Variants in SEPTIN7 observed in about 807,000 individuals in gnomAD.
The protein encoded by SEPTIN7 is septin-7.
Under a neutral mutation model 63.3 loss-of-function variants are expected in SEPTIN7, and 10 were observed. The observed-to-expected ratio is 0.16, with a 90% CI of 0.10 to 0.27. SEPTIN7 has a LOEUF of 0.27. SEPTIN7 is among the 10% of genes least tolerant of loss of function. SEPTIN7 has a pLI of 1.00. For missense variants in SEPTIN7, 310 were observed against 521.0 expected (o/e 0.59, Z 3.94); for synonymous variants, 131 against 165.3 (o/e 0.79, Z 1.59).
At chr7:35,881,451 A>G (rs1249246980) in intron 7 of SEPTIN7, among the ~76,000 whole-genome samples, 1 of 149,984 alleles carries the variant, frequency 6.7e-6, no homozygotes, top group African/African-American at 2.4e-5. Flanking sequence ...GCTAGCTACT[A>G]TTACTCATTT....
intron 1 of SEPTIN7, among the ~76,000 whole-genome samples, chr7:35,827,333 G>C (rs1210042285): frequency 2.6e-5 from 4 of 151,904 alleles, no homozygotes; most frequent in African/African-American, 9.7e-5. Context: ...TCCTTATCCC[G>C]AGATATTTCA....
chr7:35,810,832 CAG>C (rs959598245), intron 1 of SEPTIN7, among the ~76,000 whole-genome samples: 7 of 150,676 alleles, frequency 4.6e-5, no homozygotes, highest in African/African-American at 1.7e-4. Flanking sequence ...AGTGGTGAGA[CAG>C]AGGCTCACTG....
At chr7:35,819,536 G>T (rs539051772) in intron 1 of SEPTIN7, among the ~76,000 whole-genome samples, 1 of 152,082 alleles carries the variant, frequency 6.6e-6, no homozygotes, top group African/African-American at 2.4e-5. Flanking sequence ...TGAAAGTAGG[G>T]TGTTGAAGGT....
chr7:35,863,642 T>C lies in SEPTIN7; in HGVS notation c.260T>C (p.Ile87Thr). 1.3e-6 allele frequency: 2 copies of C among 1,530,872 alleles called. No individual in the cohort carries two copies. Among genetic ancestry groups the C allele is most frequent in the East Asian group, 2.3e-5 (1 of 44,346 alleles). 94.8% of individuals were successfully genotyped at this position (1,530,872 alleles called of 1,614,324 possible). Reference protein sequence around the residue: ...SPEYPGPSHRIKKTVQVEQSK... With the variant: ...SPEYPGPSHRTKKTVQVEQSK... ...GAGTATCCAGGTCCTTCTCATAGAA[T>C]TAAAAAGACTGTACAGGTATGGATA... The change falls in exon 4 of 14, where the codon ATT (isoleucine) becomes ACT (threonine). Residue 87 changes from isoleucine to threonine, a missense_variant. By Grantham distance (89) the Ile-to-Thr change is moderately conservative. This residue lies in a region of SEPTIN7 where 255 missense variants were observed against 490.5 expected (regional missense o/e 0.52). Transcript: ENST00000350320.
chr7:35,838,235 A>AACTT lies in SEPTIN7; in HGVS notation c.169+5336_169+5339dup, dbSNP rs1414659052. The stretch of plus-strand genomic sequence containing the variant: ...ATTAGCTTGATTTTTATATTATCCA[A>AACTT]ACTTCCTTCCTTCCTTCCTTCCTTC... On this transcript the variant is annotated intron_variant, in intron 3 of 13. Transcript: ENST00000350320. 3.5e-3 allele frequency among the ~76,000 whole-genome samples: 263 copies of AACTT among 76,022 alleles called. 26 individuals are homozygous for AACTT. Among genetic ancestry groups the AACTT allele is most frequent in the South Asian group, 7.8e-3 (15 of 1,930 alleles). The allele number at this position is 76,022 out of a possible 152,430, so 49.9% of individuals were successfully genotyped here.
At chr7:35,858,833 A>G (rs1785352766) in intron 3 of SEPTIN7, among the ~76,000 whole-genome samples, 1 of 151,926 alleles carries the variant, frequency 6.6e-6, no homozygotes, top group Non-Finnish European at 1.5e-5. Context: ...GGCATGCGCC[A>G]CCACACCCAG....
chr7:35,892,420 C>G (rs1430144497), intron 11 of SEPTIN7, among the ~76,000 whole-genome samples: 1 of 152,026 alleles, frequency 6.6e-6, no homozygotes, highest in Non-Finnish European at 1.5e-5. Flanking sequence ...TCATAAAATC[C>G]TAATTCACTT....
chr7:35,840,136 C>A lies in SEPTIN7; in HGVS notation c.169+7236C>A, dbSNP rs117077216. 8.1e-3 allele frequency among the ~76,000 whole-genome samples: 791 copies of A among 97,064 alleles called. 5 individuals are homozygous for A. The highest frequency in any genetic ancestry group is 9.8e-3 in the African/African-American group (241 of 24,520). The allele number at this position is 97,064 out of a possible 152,430, so 63.7% of individuals were successfully genotyped here. A position where few individuals can be genotyped will look rare whatever the true frequency, so the allele number is the denominator to read the frequency against. ...TTTTTACCTTCCCTTTTTCCCCTTC[C>A]CCCTTCCTCCTTCCCCCTTCCCCCA... On this transcript the variant is annotated intron_variant, in intron 3 of 13. Coordinates refer to ENST00000350320, the MANE Select transcript of SEPTIN7 (RefSeq NM_001788.6).
chr7:35,819,768 GT>G (rs763261866), intron 1 of SEPTIN7, among the ~76,000 whole-genome samples: 4 of 151,662 alleles, frequency 2.6e-5, no homozygotes, highest in Non-Finnish European at 4.4e-5. Flanking sequence ...CTTGTTTTCT[GT>G]CCTTTTTTTT....
At position 35,905,950 on chromosome 7, in the gene SEPTIN7, A is replaced by G. The variant is rs1788589690; in HGVS notation, c.*1657A>G. 6.6e-6 allele frequency: 1 copy of G among 152,202 alleles called. No homozygotes were observed. The highest frequency in any genetic ancestry group is 1.5e-5 in the Non-Finnish European group (1 of 68,032). 9.4% of individuals were successfully genotyped at this position (152,202 alleles called of 1,614,324 possible). A position where few individuals can be genotyped will look rare whatever the true frequency, so the allele number is the denominator to read the frequency against. On this transcript the variant is annotated 3_prime_UTR_variant, in exon 14 of 14. Coordinates refer to ENST00000350320, the MANE Select transcript of SEPTIN7 (RefSeq NM_001788.6). ...TATCTTGAAATGTTTTACCCTATTT[A>G]CTTTTTAAAATTAATGACCTAAGCG...
chr7:35,836,015 T>C (rs1013517736), intron 3 of SEPTIN7, among the ~76,000 whole-genome samples: 11 of 152,226 alleles, frequency 7.2e-5, no homozygotes, highest in Admixed American at 5.9e-4. Context: ...ACACTGACTT[T>C]AGGATCTGAC....
intron 1 of SEPTIN7, chr7:35,831,261 T>G (rs1702612612): frequency 5.2e-6 from 1 of 190,576 alleles, no homozygotes; most frequent in South Asian, 8.4e-5. Flanking sequence ...TTTGACATGT[T>G]TAGAAAAAAG....
At chr7:35,819,061 C>A (rs1475394745) in intron 1 of SEPTIN7, among the ~76,000 whole-genome samples, 1 of 151,922 alleles carries the variant, frequency 6.6e-6, no homozygotes, top group Non-Finnish European at 1.5e-5. Context: ...GATGTGAGAT[C>A]TTTCTTTTTA....
At chr7:35,860,757 T>G (rs1040812579) in intron 3 of SEPTIN7, among the ~76,000 whole-genome samples, 2 of 152,234 alleles carry the variant, frequency 1.3e-5, no homozygotes, top group Non-Finnish European at 2.9e-5. Context: ...GTTGCTTCTC[T>G]TTTGCCACTT....
At chr7:35,881,600 A>G (rs562924065) in intron 7 of SEPTIN7, among the ~76,000 whole-genome samples, 5 of 151,056 alleles carry the variant, frequency 3.3e-5, no homozygotes, top group African/African-American at 9.7e-5. Flanking sequence ...TCTGTCTACT[A>G]TAGTAACCAT....
chr7:35,820,897 C>T (rs1321958393), intron 1 of SEPTIN7, among the ~76,000 whole-genome samples: 2 of 152,114 alleles, frequency 1.3e-5, no homozygotes, highest in Non-Finnish European at 2.9e-5. Context: ...TTGCTTAGTT[C>T]CTTTTCGAAC....
At chr7:35,888,605 AG>A (rs1482502977) in intron 10 of SEPTIN7, among the ~76,000 whole-genome samples, 3 of 152,062 alleles carry the variant, frequency 2.0e-5, no homozygotes, top group African/African-American at 7.2e-5. Context: ...GAATTGCTTG[AG>A]CTCAGGAGTT....
intron 6 of SEPTIN7, among the ~76,000 whole-genome samples, chr7:35,875,385 A>G (rs1786409515): frequency 6.6e-6 from 1 of 152,144 alleles, no homozygotes; most frequent in African/African-American, 2.4e-5. Context: ...AATTTTATGT[A>G]TAGAGTTCCA....
At position 35,801,204 on chromosome 7, in the gene SEPTIN7, G is replaced by A. The variant is rs761498377; in HGVS notation, c.-6G>A. 8 of 1,506,312 alleles carry A rather than the reference G, an allele frequency of 5.3e-6. No individual in the cohort carries two copies. Among genetic ancestry groups the A allele is most frequent in the South Asian group, 3.8e-5 (3 of 79,510 alleles). The allele number at this position is 1,506,312 out of a possible 1,614,324, so 93.3% of individuals were successfully genotyped here. A position where few individuals can be genotyped will look rare whatever the true frequency, so the allele number is the denominator to read the frequency against. On this transcript the variant is annotated 5_prime_UTR_variant, in exon 1 of 14. Coordinates refer to ENST00000350320, the MANE Select transcript of SEPTIN7 (RefSeq NM_001788.6). ...CGCTGGGGCTGGTCGCGGAGGGGGG[G>A]AGGGGATGTCGGTCAGTGCGAGATC...
Sources: gnomAD v4.1 joint callset for allele counts (sites outside exome capture counted in the v4.1 genomes callset) on GRCh38, gnomAD v4.1.1 for gene constraint, gnomAD v4.1.1 regional missense constraint, MANE v1.5 for transcripts, NCBI Gene and HGNC (gene_info 2026-07-23, HGNC 2026-07-21) for gene names.